Variants in DZANK1 observed in about 807,000 individuals in gnomAD.
DZANK1 encodes double zinc ribbon and ankyrin repeat domains 1, also known as double zinc ribbon and ankyrin repeat-containing protein 1.
DZANK1 carries 91 observed loss-of-function variants against 94.5 expected under a neutral mutation model. That is an observed-to-expected ratio of 0.96 (90% CI 0.81 to 1.15). The LOEUF (loss-of-function observed/expected upper bound fraction) is 1.15, where lower values mean the gene tolerates loss of function less well. DZANK1 is among the 50% of genes most tolerant of loss of function. DZANK1 has a pLI of 0.00. For missense variants in DZANK1, 903 were observed against 916.4 expected, an observed-to-expected ratio of 0.99 and a Z score of 0.19; for synonymous variants, 312 against 325.3, an observed-to-expected ratio of 0.96 and a Z score of 0.44.
intron 3 of DZANK1, among the ~76,000 whole-genome samples, chr20:18,459,208 T>G (rs1471905743): frequency 6.6e-6 from 1 of 152,254 alleles, no homozygotes; most frequent in African/African-American, 2.4e-5. Context: ...AGAAGTGGCC[T>G]GGCAAGTGTG....
intron 17 of DZANK1, 74 bp downstream of exon 17, chr20:18,393,637 A>T: frequency 1.0e-6 from 1 of 984,842 alleles, no homozygotes; most frequent in Non-Finnish European, 1.5e-6. Flanking sequence ...CTTCCATTTT[A>T]AAAAAGGTCA....
intron 7 of DZANK1, among the ~76,000 whole-genome samples, 184 bp from the exon 8 acceptor site, chr20:18,443,648 A>AGT (rs1477998513): frequency 6.6e-6 from 1 of 152,236 alleles, no homozygotes; most frequent in Non-Finnish European, 1.5e-5. Context: ...TTATTGGAAT[A>AGT]GTGGCCTTGC....
intron 3 of DZANK1, among the ~76,000 whole-genome samples, chr20:18,456,723 C>G (rs1276262143): frequency 6.6e-6 from 1 of 151,782 alleles, no homozygotes; most frequent in Non-Finnish European, 1.5e-5. Flanking sequence ...TTTGGAGACT[C>G]ATCTATGTTG....
intron 7 of DZANK1, among the ~76,000 whole-genome samples, chr20:18,445,212 C>G (rs2058835154): frequency 6.6e-6 from 1 of 152,072 alleles, no homozygotes; most frequent in South Asian, 2.1e-4. Context: ...AAGTAGGTTT[C>G]TGAGCAAAGA....
At chr20:18,394,211 T>A in intron 16 of DZANK1, 43 bp downstream of exon 16, 1 of 1,558,114 alleles carries the variant, frequency 6.4e-7, no homozygotes, top group Non-Finnish European at 8.8e-7. Context: ...GTCCATGTGT[T>A]CCTGGTCAGT....
intron 9 of DZANK1, among the ~76,000 whole-genome samples, chr20:18,429,291 C>T (rs534257832): frequency 4.6e-5 from 7 of 152,340 alleles, no homozygotes; most frequent in East Asian, 3.9e-4. Flanking sequence ...TCAAGTCCAA[C>T]GGCTTCCTTC....
chr20:18,465,429 G>T, intron 1 of DZANK1, 52 bp from the exon 2 acceptor site: 1 of 202,704 alleles, frequency 4.9e-6, no homozygotes, highest in Non-Finnish European at 8.5e-6. Flanking sequence ...CTGAAGAGCA[G>T]CACTTAATTT....
At chr20:18,403,538 A>T (rs2056794623) in intron 13 of DZANK1, among the ~76,000 whole-genome samples, 1 of 152,180 alleles carries the variant, frequency 6.6e-6, no homozygotes, top group Admixed American at 6.5e-5. Flanking sequence ...AAAACAATGG[A>T]GGGTGTGTTA....
intron 20 of DZANK1, 97 bp downstream of exon 20, chr20:18,384,919 G>T: frequency 8.4e-7 from 1 of 1,187,712 alleles, no homozygotes; most frequent in Non-Finnish European, 1.2e-6. Context: ...GACAGGGACA[G>T]CAGTTCAGGA....
chr20:18,415,273 C>A (rs2057435278), intron 11 of DZANK1, 54 bp downstream of exon 11: 1 of 1,381,356 alleles, frequency 7.2e-7, no homozygotes, highest in Non-Finnish European at 9.5e-7. Flanking sequence ...CTGGCTCTCT[C>A]CAGGCCAGTG....
intron 13 of DZANK1, among the ~76,000 whole-genome samples, chr20:18,409,821 G>A (rs2057151699): frequency 6.6e-6 from 1 of 152,132 alleles, no homozygotes; most frequent in Non-Finnish European, 1.5e-5. Flanking sequence ...TGTAATCCTA[G>A]CACTTCGGGA....
In DZANK1 at chr20:18,445,675, A is replaced by T. The variant is rs779198696; in HGVS notation, c.630-2211T>A. ...CAACAATTTGGGAGACTAAGGTGGG[A>T]GGATCACTTGAGGCCAGGAGTTCAA... is the stretch of plus-strand genomic sequence containing the variant. On this transcript the variant is annotated intron_variant, in intron 7 of 20. Coordinates refer to ENST00000262547, the Ensembl canonical transcript of DZANK1. Among the ~76,000 whole-genome samples, 364 of 152,276 alleles carry T rather than the reference A, an allele frequency of 2.4e-3. 1 individual carries two copies. Among genetic ancestry groups the T allele is most frequent in the Non-Finnish European group, 3.9e-3 (266 of 68,026 alleles).
chr20:18,412,893 A>G, intron 12 of DZANK1, 40 bp from the exon 13 acceptor site: 1 of 1,525,748 alleles, frequency 6.6e-7, no homozygotes, highest in South Asian at 1.2e-5. Flanking sequence ...ATTAGAATAT[A>G]ATTTAATCAA....
chr20:18,412,891 A>G, intron 12 of DZANK1, 38 bp from the exon 13 acceptor site: 1 of 1,525,152 alleles, frequency 6.6e-7, no homozygotes, highest in Non-Finnish European at 9.0e-7. Flanking sequence ...AAATTAGAAT[A>G]TAATTTAATC....
chr20:18,420,402 C>T lies in DZANK1; in HGVS notation c.955-4953G>A, dbSNP rs41276430. 3.9e-3 allele frequency: 623 copies of T among 161,124 alleles called. 4 individuals are homozygous for T. Among genetic ancestry groups the T allele is most frequent in the Non-Finnish European group, 7.0e-3 (505 of 71,838 alleles). The allele number at this position is 161,124 out of a possible 1,614,324, so 10.0% of individuals were successfully genotyped here. On this transcript the variant is annotated intron_variant, in intron 10 of 20. Transcript: ENST00000262547. ...TACTGCCACTTGACAAACCTAGCAA[C>T]GGCATGCATTCCAGACAACTTGTAC... is the stretch of plus-strand genomic sequence containing the variant.
At chr20:18,405,180 G>C (rs1315334870) in intron 13 of DZANK1, among the ~76,000 whole-genome samples, 1 of 152,028 alleles carries the variant, frequency 6.6e-6, no homozygotes, top group Non-Finnish European at 1.5e-5. Flanking sequence ...CTGGGTAACA[G>C]AGCAAGACTC....
chr20:18,443,992 G>C (rs1379064441), intron 7 of DZANK1, among the ~76,000 whole-genome samples: 1 of 152,130 alleles, frequency 6.6e-6, no homozygotes, highest in Non-Finnish European at 1.5e-5. Context: ...TGGACCCATC[G>C]TTTAGCTCCC....
At chr20:18,404,347 G>A (rs551945312) in intron 13 of DZANK1, among the ~76,000 whole-genome samples, 1 of 152,148 alleles carries the variant, frequency 6.6e-6, no homozygotes, top group South Asian at 2.1e-4. Context: ...TAATGGCTAG[G>A]TGTGGTCAGG....
intron 15 of DZANK1, among the ~76,000 whole-genome samples, chr20:18,395,187 C>G (rs1468080105): frequency 6.6e-6 from 1 of 152,070 alleles, no homozygotes; most frequent in Non-Finnish European, 1.5e-5. Flanking sequence ...ATGGTGAAAC[C>G]CCATCTCTAC....
Sources: allele counts gnomAD v4.1 joint callset (sites outside exome capture counted in the v4.1 genomes callset), GRCh38; gene constraint gnomAD v4.1.1; transcripts MANE v1.5; gene names NCBI Gene and HGNC (gene_info 2026-07-23, HGNC 2026-07-21).